CCDC192: variants seen among roughly 807,000 people sequenced by gnomAD.
The protein encoded by CCDC192 is coiled-coil domain-containing protein 192.
chr5:127,920,672 A>G (rs1304340542), intron 6 of CCDC192, among the ~76,000 whole-genome samples: 1 of 151,870 alleles, frequency 6.6e-6, no homozygotes, highest in Non-Finnish European at 1.5e-5. Context: ...TGGCCTCCTA[A>G]AGTGCTAGGA....
At chr5:127,707,406 C>CTT (rs11389024) in intron 1 of CCDC192, among the ~76,000 whole-genome samples, 93 of 147,230 alleles carry the variant, frequency 6.3e-4, no homozygotes, top group Admixed American at 1.0e-3. Context: ...CCTCTCCCCA[C>CTT]TTTTTTTTTT....
rs11950629 is a variant in CCDC192, at chr5:127,802,004, A to T, written c.411+3842A>T. Among the ~76,000 whole-genome samples, 459 of 152,286 alleles carry T rather than the reference A, an allele frequency of 3.0e-3. 2 individuals carry two copies. The highest frequency in any genetic ancestry group is 0.01 in the African/African-American group (424 of 41,558). On this transcript the variant is annotated intron_variant, in intron 5 of 6. Transcript: ENST00000514853. ...GCTCAGCTGTTTGTGACTGGCTGAA[A>T]CCCAACTATTTGTTACAAAAAATAT... is the stretch of plus-strand genomic sequence containing the variant.
chr5:127,715,468 T>C (rs750685022), intron 2 of CCDC192, among the ~76,000 whole-genome samples: 1 of 152,234 alleles, frequency 6.6e-6, no homozygotes, highest in Non-Finnish European at 1.5e-5. Context: ...GCCAGTGGCA[T>C]GCTGTTTTGT....
At chr5:127,866,120 G>A (rs1751602111) in intron 5 of CCDC192, among the ~76,000 whole-genome samples, 1 of 152,042 alleles carries the variant, frequency 6.6e-6, no homozygotes, top group African/African-American at 2.4e-5. Flanking sequence ...AGACCATTTA[G>A]CATCAGTTCT....
intron 6 of CCDC192, among the ~76,000 whole-genome samples, chr5:127,904,276 G>T (rs895437712): frequency 6.6e-5 from 10 of 152,150 alleles, no homozygotes; most frequent in African/African-American, 1.9e-4. Flanking sequence ...ATTTTAGCCC[G>T]GTGAAACCTA....
chr5:127,791,473 C>T lies in CCDC192; in HGVS notation c.223-5630C>T, dbSNP rs534942448. On this transcript the variant is annotated intron_variant, in intron 3 of 6. Transcript: ENST00000514853. The stretch of plus-strand genomic sequence containing the variant: ...TCCTGTCACAAAAATAACTACTGAA[C>T]TGGCAAGAACTGTCAGAATCAATCA... Among the ~76,000 whole-genome samples the T allele has an allele frequency of 1.7e-4, 26 of 152,294 alleles. No individual in the cohort carries two copies. The South Asian group carries it at 5.0e-3, about 29-fold the overall frequency.
chr5:127,870,215 C>T (rs1751788870), intron 5 of CCDC192, among the ~76,000 whole-genome samples: 2 of 152,154 alleles, frequency 1.3e-5, no homozygotes, highest in Admixed American at 1.3e-4. Context: ...AGGGAAAGAA[C>T]AATACCTGGC....
At position 127,841,689 on chromosome 5, in the gene CCDC192, G is replaced by A. The variant is rs1470238694; in HGVS notation, c.412-33849G>A. On this transcript the variant is annotated intron_variant, in intron 5 of 6. Transcript: ENST00000514853. The stretch of plus-strand genomic sequence containing the variant: ...TGCTTCTTAACATATACTCACCCTT[G>A]ACTACACTGTCTTAGAACAAACGGA... Among the ~76,000 whole-genome samples the A allele has an allele frequency of 2.6e-5, 4 of 152,104 alleles. No homozygotes were observed. The East Asian group carries it at 7.7e-4, about 29-fold the overall frequency.
intron 2 of CCDC192, among the ~76,000 whole-genome samples, chr5:127,753,275 C>G (rs954201590): frequency 6.6e-6 from 1 of 152,192 alleles, no homozygotes; most frequent in Non-Finnish European, 1.5e-5. Flanking sequence ...ATATTTCTTT[C>G]TAATTATTAA....
At chr5:127,832,754 ATATATT>A (rs979426982) in intron 5 of CCDC192, among the ~76,000 whole-genome samples, 1 of 152,136 alleles carries the variant, frequency 6.6e-6, no homozygotes, top group African/African-American at 2.4e-5. Flanking sequence ...AACCCAAACT[ATATATT>A]TATATCTTGT....
chr5:127,710,541 G>T (rs1016100388), intron 2 of CCDC192, among the ~76,000 whole-genome samples: 4 of 152,042 alleles, frequency 2.6e-5, no homozygotes, highest in African/African-American at 9.7e-5. Context: ...CATTCCTAGA[G>T]AAAGGACTGA....
At chr5:127,753,688 GAAAAAAA>G (rs71575707) in intron 2 of CCDC192, among the ~76,000 whole-genome samples, 2 of 124,376 alleles carry the variant, frequency 1.6e-5, no homozygotes, top group African/African-American at 6.2e-5. Flanking sequence ...ACTCTGCCTG[GAAAAAAA>G]AAAAAAAAAA....
intron 5 of CCDC192, among the ~76,000 whole-genome samples, chr5:127,807,148 C>G (rs912013880): frequency 1.3e-5 from 2 of 152,116 alleles, no homozygotes; most frequent in Non-Finnish European, 2.9e-5. Context: ...AGCAGAGTGC[C>G]AGAACATAGT....
At chr5:127,703,087 T>G (rs1049664554), upstream of CCDC192, among the ~76,000 whole-genome samples, 1 of 152,206 alleles carries the variant, frequency 6.6e-6, no homozygotes, top group Non-Finnish European at 1.5e-5. Context: ...TGTGCACCCC[T>G]CTCAGACAGC....
At chr5:127,841,621 G>T (rs1735241024) in intron 5 of CCDC192, among the ~76,000 whole-genome samples, 1 of 152,216 alleles carries the variant, frequency 6.6e-6, no homozygotes, top group Non-Finnish European at 1.5e-5. Flanking sequence ...AGAAAGGCAT[G>T]TTGAGGTCCT....
At chr5:127,762,535 G>A (rs1481320728) in intron 3 of CCDC192, among the ~76,000 whole-genome samples, 1 of 152,188 alleles carries the variant, frequency 6.6e-6, no homozygotes, top group African/African-American at 2.4e-5. Context: ...TTTGAATAGA[G>A]TCAAACACAA....
chr5:127,858,290 GATTTC>G (rs1162855429), intron 5 of CCDC192, among the ~76,000 whole-genome samples: 1 of 152,148 alleles, frequency 6.6e-6, no homozygotes, highest in Non-Finnish European at 1.5e-5. Flanking sequence ...AGGCCCTCTG[GATTTC>G]ATCCAGGCCC....
chr5:127,913,154 G>C (rs1472863243), intron 6 of CCDC192, among the ~76,000 whole-genome samples: 1 of 152,202 alleles, frequency 6.6e-6, no homozygotes, highest in Non-Finnish European at 1.5e-5. Context: ...GCTGTGACCT[G>C]GGGTAATTCT....
chr5:127,904,772 G>A (rs569334645), intron 6 of CCDC192, among the ~76,000 whole-genome samples: 21 of 152,230 alleles, frequency 1.4e-4, no homozygotes, highest in African/African-American at 5.1e-4. Flanking sequence ...AAAGTGCTGG[G>A]ATTACAGGTG....
Sources: gnomAD v4.1 joint callset for allele counts (sites outside exome capture counted in the v4.1 genomes callset) on GRCh38, gnomAD v4.1.1 for gene constraint, MANE v1.5 for transcripts, NCBI Gene and HGNC (gene_info 2026-07-23, HGNC 2026-07-21) for gene names.